The following DCC variants were observed in gnomAD, a reference collection of about 807,000 sequenced individuals.
The protein encoded by DCC is netrin receptor DCC.
DCC carries 58 observed loss-of-function variants against 172.5 expected under a neutral mutation model. The ratio of observed to expected loss-of-function variants is 0.34; its 90% CI spans 0.27 to 0.42. The LOEUF is 0.42. Ranked by LOEUF, DCC falls within the 10% of genes least tolerant of loss-of-function variation. DCC has a pLI of 1.00. For missense variants in DCC, 1,740 were observed against 1,791.0 expected (o/e 0.97, Z 0.51); for synonymous variants, 709 against 644.5 (o/e 1.10, Z -1.52).
chr18:53,296,277 G>T (rs554964703), intron 12 of DCC, among the ~76,000 whole-genome samples: 3 of 152,058 alleles, frequency 2.0e-5, no homozygotes, highest in South Asian at 4.1e-4. Context: ...TCTCTGGATC[G>T]CTGGACCTCA....
intron 2 of DCC, among the ~76,000 whole-genome samples, chr18:52,838,426 T>A (rs9960035): frequency 0.87 from 132,283 of 152,034 alleles, 58,524 homozygotes; most frequent in Middle Eastern, 0.96. Context: ...TGTATTAGTA[T>A]GAAAAAATTC....
intron 1 of DCC, among the ~76,000 whole-genome samples, chr18:52,591,038 T>A (rs1389599374): frequency 6.6e-6 from 1 of 152,112 alleles, no homozygotes; most frequent in South Asian, 2.1e-4. Flanking sequence ...AACATTGAAG[T>A]TTTAACCACA....
chr18:52,373,597 C>G (rs1463706870), intron 1 of DCC, among the ~76,000 whole-genome samples: 1 of 152,170 alleles, frequency 6.6e-6, no homozygotes, highest in East Asian at 1.9e-4. Context: ...GGTGGGCATT[C>G]TCTTTTGACC....
chr18:52,510,538 G>A (rs2031400053), intron 1 of DCC, among the ~76,000 whole-genome samples: 1 of 152,126 alleles, frequency 6.6e-6, no homozygotes, highest in Admixed American at 6.5e-5. Context: ...CCTGGAGAAA[G>A]CCTCCTTACC....
chr18:53,262,384 T>C (rs544736535), intron 12 of DCC, among the ~76,000 whole-genome samples: 9 of 152,326 alleles, frequency 5.9e-5, no homozygotes, highest in Middle Eastern at 3.4e-3. Context: ...TGGCATAACT[T>C]TTTTCTTTCA....
At chr18:52,949,771 G>T (rs1191563509) in intron 5 of DCC, among the ~76,000 whole-genome samples, 1 of 152,176 alleles carries the variant, frequency 6.6e-6, no homozygotes, top group Non-Finnish European at 1.5e-5. Flanking sequence ...ATAACATCTT[G>T]GTGATAATAT....
intron 7 of DCC, among the ~76,000 whole-genome samples, chr18:53,150,453 G>A (rs1568332812): frequency 6.6e-6 from 1 of 152,178 alleles, no homozygotes; most frequent in Non-Finnish European, 1.5e-5. Flanking sequence ...TGATAATGAT[G>A]GAGGATTAAA....
At chr18:53,439,919 T>C (rs1599153270) in intron 22 of DCC, among the ~76,000 whole-genome samples, 4 of 150,762 alleles carry the variant, frequency 2.7e-5, no homozygotes, top group Non-Finnish European at 4.4e-5. Context: ...CGCCCGCCAC[T>C]ACGCCCGGCT....
At chr18:52,824,233 G>T (rs2038464228) in intron 2 of DCC, among the ~76,000 whole-genome samples, 1 of 152,170 alleles carries the variant, frequency 6.6e-6, no homozygotes, top group African/African-American at 2.4e-5. Context: ...TCCAGTAGAA[G>T]TTCCAAAATA....
At chr18:52,785,377 G>C (rs1294429105) in intron 2 of DCC, among the ~76,000 whole-genome samples, 2 of 151,996 alleles carry the variant, frequency 1.3e-5, no homozygotes, top group African/African-American at 4.8e-5. Context: ...TCATTAAAGA[G>C]AAAAGCATTA....
Position 53,169,602 on chromosome 18 carries a change from G to A in DCC, c.1419-9360G>A, listed in dbSNP as rs868750430. Among the ~76,000 whole-genome samples, 10 of 152,232 alleles carry A rather than the reference G, an allele frequency of 6.6e-5. 1 individual carries two copies. The highest frequency in any genetic ancestry group is 3.4e-3 in the Middle Eastern group (1 of 294). On this transcript the variant is annotated intron_variant, in intron 8 of 28. Transcript: ENST00000442544. ...AGAAGATTTGTCTGACAATCCATCT[G>A]GTGTTACAGATCATGACTCTGAGTT... is the stretch of plus-strand genomic sequence containing the variant.
chr18:53,200,403 G>A (rs2055518387), intron 9 of DCC, among the ~76,000 whole-genome samples: 1 of 152,122 alleles, frequency 6.6e-6, no homozygotes, highest in Admixed American at 6.6e-5. Context: ...GTGATTTATG[G>A]TAACATTTGT....
At position 52,639,787 on chromosome 18, in the gene DCC, AAAG is replaced by A. The variant is rs370390098; in HGVS notation, c.92-112261_92-112259del. On this transcript the variant is annotated intron_variant, in intron 1 of 28. Coordinates refer to ENST00000442544, the MANE Select transcript of DCC (RefSeq NM_005215.4). ...CACACCAGAATCCTACGAGACGTTC[AAAG>A]AAGAATTGGTACCTATTCTTGTGAC... 1.6e-4 allele frequency among the ~76,000 whole-genome samples: 25 copies of A among 152,270 alleles called. No homozygotes were observed. The East Asian group carries it at 4.6e-3, about 28-fold the overall frequency.
At chr18:52,494,303 T>C (rs982881127) in intron 1 of DCC, among the ~76,000 whole-genome samples, 1 of 151,628 alleles carries the variant, frequency 6.6e-6, no homozygotes, top group Non-Finnish European at 1.5e-5. Flanking sequence ...TCTGTGCCTG[T>C]GTGCATAGGT....
rs540860552 is a variant in DCC, at chr18:53,103,336, A to G, written c.1261+37170A>G. Among the ~76,000 whole-genome samples, 4 of 152,194 alleles carry G rather than the reference A, an allele frequency of 2.6e-5. No individual in the cohort carries two copies. In the East Asian group the frequency reaches 7.8e-4, roughly 30 times the overall value. ...GGGGAACACAAAGCAATGGGAACCC[A>G]GGGTAGTAACTAAAGCAGCATGTTT... is the stretch of plus-strand genomic sequence containing the variant. On this transcript the variant is annotated intron_variant, in intron 7 of 28. Coordinates refer to ENST00000442544, the MANE Select transcript of DCC (RefSeq NM_005215.4).
At chr18:53,220,295 A>T (rs1298384812) in intron 12 of DCC, among the ~76,000 whole-genome samples, 1 of 152,054 alleles carries the variant, frequency 6.6e-6, no homozygotes, top group Non-Finnish European at 1.5e-5. Context: ...CTGCGTGACA[A>T]TCTCTCTGAA....
intron 12 of DCC, among the ~76,000 whole-genome samples, chr18:53,283,383 TTCTC>T (rs956115829): frequency 9.2e-5 from 14 of 152,098 alleles, no homozygotes; most frequent in African/African-American, 2.9e-4. Context: ...CTTCCCCTAT[TTCTC>T]TCTCTCTTTC....
chr18:52,783,323 C>CT lies in DCC; in HGVS notation c.412+30987dup, dbSNP rs374129823. 2.4e-3 allele frequency among the ~76,000 whole-genome samples: 140 copies of CT among 59,260 alleles called. 21 individuals are homozygous for CT. The highest frequency in any genetic ancestry group is 9.5e-3 in the African/African-American group (119 of 12,488). The allele number at this position is 59,260 out of a possible 152,430, so 38.9% of individuals were successfully genotyped here. A position where few individuals can be genotyped will look rare whatever the true frequency, so the allele number is the denominator to read the frequency against. On this transcript the variant is annotated intron_variant, in intron 2 of 28. Coordinates refer to ENST00000442544, the MANE Select transcript of DCC (RefSeq NM_005215.4). ...ACTAAAAATAATTTATACTACTACT[C>CT]TTTTTTTTTTTTTTTTTTTTTTTTT...
At chr18:53,419,230 A>T (rs897089706) in intron 21 of DCC, among the ~76,000 whole-genome samples, 7 of 152,182 alleles carry the variant, frequency 4.6e-5, no homozygotes, top group Admixed American at 4.6e-4. Flanking sequence ...ATACAGTGTG[A>T]AATAAGCACA....
Sources: allele counts gnomAD v4.1 joint callset (sites outside exome capture counted in the v4.1 genomes callset), GRCh38; gene constraint gnomAD v4.1.1; transcripts MANE v1.5; gene names NCBI Gene and HGNC (gene_info 2026-07-23, HGNC 2026-07-21).